The following LNX1 variants were observed in gnomAD, a reference collection of about 807,000 sequenced individuals.
The protein encoded by LNX1 is E3 ubiquitin-protein ligase LNX.
A neutral mutation model predicts 68.4 loss-of-function variants in LNX1; 54 were observed. That is an observed-to-expected ratio of 0.79 (90% confidence interval 0.63 to 0.99). The LOEUF (loss-of-function observed/expected upper bound fraction) is 0.99, where lower values mean the gene tolerates loss of function less well. Among genes scored for constraint, LNX1 ranks in the 50% least tolerant of loss-of-function variants. The pLI is 0.00. For missense variants in LNX1, 906 were observed against 926.4 expected, an observed-to-expected ratio of 0.98 and a Z score of 0.29; for synonymous variants, 336 against 350.0, an observed-to-expected ratio of 0.96 and a Z score of 0.45.
At chr4:53,526,146 A>G (rs1727596553) in intron 2 of LNX1, among the ~76,000 whole-genome samples, 1 of 152,180 alleles carries the variant, frequency 6.6e-6, no homozygotes, top group Admixed American at 6.6e-5. Context: ...CGCCACGTTC[A>G]GCAGGAAACC....
chr4:53,553,993 T>A (rs1729702500), intron 2 of LNX1, among the ~76,000 whole-genome samples: 2 of 151,654 alleles, frequency 1.3e-5, no homozygotes, highest in African/African-American at 4.9e-5. Flanking sequence ...ACCCGGAGGG[T>A]CATTCCTTAT....
At chr4:53,587,590 C>T (rs1224921786) in intron 1 of LNX1, among the ~76,000 whole-genome samples, 1 of 152,102 alleles carries the variant, frequency 6.6e-6, no homozygotes, top group Non-Finnish European at 1.5e-5. Context: ...TCTTATGTGT[C>T]CTCGCCTTGC....
intron 1 of LNX1, among the ~76,000 whole-genome samples, chr4:53,587,940 C>T (rs1732275639): frequency 1.3e-5 from 2 of 152,208 alleles, no homozygotes; most frequent in Non-Finnish European, 2.9e-5. Flanking sequence ...TTTTCCTCCT[C>T]TGCCTTTGGG....
At chr4:53,515,645 A>G (rs1371236641) in intron 2 of LNX1, among the ~76,000 whole-genome samples, 1 of 152,204 alleles carries the variant, frequency 6.6e-6, no homozygotes, top group Non-Finnish European at 1.5e-5. Flanking sequence ...ATAAAACTGA[A>G]GGGTAATGAC....
At chr4:53,576,250 C>A in intron 1 of LNX1, 1 of 1,609,896 alleles carries the variant, frequency 6.2e-7, no homozygotes, top group South Asian at 1.1e-5. Flanking sequence ...CCTGATGCAG[C>A]TGAAGCTTTC....
At position 53,569,967 on chromosome 4, in the gene LNX1, C is replaced by T. The variant is rs1412184881; in HGVS notation, c.380+3656G>A. Among the ~76,000 whole-genome samples the T allele has an allele frequency of 5.3e-5, 8 of 152,136 alleles. No homozygotes were observed. In the East Asian group the frequency reaches 1.5e-3, roughly 29 times the overall value. On this transcript the variant is annotated intron_variant, in intron 2 of 10. Coordinates refer to ENST00000263925, the MANE Select transcript of LNX1 (RefSeq NM_001126328.3). ...TGCAAATCAAAACCACAATGAGATA[C>T]TATCTCACACCAGTTAGAATGGCGA...
chr4:53,588,787 T>G (rs576008476), intron 1 of LNX1, among the ~76,000 whole-genome samples: 77 of 152,176 alleles, frequency 5.1e-4, no homozygotes, highest in Non-Finnish European at 8.5e-4. Context: ...CTGACCTCAA[T>G]CCACTAATCC....
intron 1 of LNX1, among the ~76,000 whole-genome samples, chr4:53,583,392 G>A (rs1287742932): frequency 6.6e-6 from 1 of 152,208 alleles, no homozygotes; most frequent in East Asian, 1.9e-4. Context: ...GCAGAGGAAA[G>A]AGTGGGGAGG....
chr4:53,633,769 C>G (rs2859819), intron 1 of LNX1, among the ~76,000 whole-genome samples: 17,421 of 152,192 alleles, frequency 0.11, 1,160 homozygotes, highest in Non-Finnish European at 0.16. Context: ...CAGAAGAGAG[C>G]TGATTGCCAC....
chr4:53,621,391 C>T (rs895088292), upstream of LNX1, among the ~76,000 whole-genome samples: 1 of 152,176 alleles, frequency 6.6e-6, no homozygotes, highest in African/African-American at 2.4e-5. Context: ...AGAAAGTGAG[C>T]ATCTCCAGGA....
chr4:53,619,171 T>A (rs1733780596), upstream of LNX1, among the ~76,000 whole-genome samples: 1 of 152,220 alleles, frequency 6.6e-6, no homozygotes, highest in Non-Finnish European at 1.5e-5. Context: ...GGCCTTAATT[T>A]TTTTTACATT....
chr4:53,616,778 G>T (rs1249022769), intron 1 of LNX1, among the ~76,000 whole-genome samples: 1 of 152,162 alleles, frequency 6.6e-6, no homozygotes, highest in African/African-American at 2.4e-5. Context: ...TTTCCATAAA[G>T]GAAATGGAGG....
intron 6 of LNX1, among the ~76,000 whole-genome samples, chr4:53,486,541 A>C (rs1724306296): frequency 6.6e-6 from 1 of 152,190 alleles, no homozygotes; most frequent in African/African-American, 2.4e-5. Context: ...AACCTTGAGG[A>C]CATGGTTCCT....
At position 53,479,617 on chromosome 4, in the gene LNX1, A is replaced by T. The variant is rs946300352; in HGVS notation, c.1486-875T>A. Among the ~76,000 whole-genome samples the T allele has an allele frequency of 7.3e-5, 10 of 137,382 alleles. No individual in the cohort carries two copies. In the Admixed American group the frequency reaches 7.9e-4, roughly 11 times the overall value. 90.1% of individuals were successfully genotyped at this position (137,382 alleles called of 152,430 possible). On this transcript the variant is annotated intron_variant, in intron 7 of 10. Coordinates refer to ENST00000263925, the MANE Select transcript of LNX1 (RefSeq NM_001126328.3). ...ACTTTGGCTGGAGAGGAGGAGAGTTACGTATGAAAGAGATGACTTTTCTAT... is the reference window on the plus strand; with the variant it reads ...ACTTTGGCTGGAGAGGAGGAGAGTTTCGTATGAAAGAGATGACTTTTCTAT...
intron 1 of LNX1, among the ~76,000 whole-genome samples, chr4:53,637,629 G>A (rs1247404012): frequency 2.0e-5 from 3 of 152,036 alleles, no homozygotes; most frequent in African/African-American, 4.8e-5. Context: ...AGATGCCAAA[G>A]GGTAGAATGT....
chr4:53,599,611 C>T (rs909816356), intron 2 of LNX1, among the ~76,000 whole-genome samples: 3 of 152,082 alleles, frequency 2.0e-5, no homozygotes, highest in African/African-American at 7.2e-5. Context: ...ATCCAAGAAC[C>T]CTCTCTTGGG....
At chr4:53,600,572 G>A (rs1238612361) in intron 2 of LNX1, among the ~76,000 whole-genome samples, 1 of 152,094 alleles carries the variant, frequency 6.6e-6, no homozygotes, top group East Asian at 1.9e-4. Context: ...TTACCAGAGA[G>A]AAGGACTCTC....
Position 53,481,868 on chromosome 4 carries a change from C to T in LNX1, c.1351-14G>A, listed in dbSNP as rs959784854. 2 of 1,570,210 alleles carry T rather than the reference C, an allele frequency of 1.3e-6. No homozygotes were observed. Among genetic ancestry groups the T allele is most frequent in the African/African-American group, 1.4e-5 (1 of 73,132 alleles). On this transcript the variant is annotated splice_polypyrimidine_tract_variant and intron_variant, in intron 6 of 10. Transcript: ENST00000263925. ...TCTTTCACTGGCCTGGGCAAGAAGACACAGGCATTAGCCACTGTCAGTTTC... is the reference window on the plus strand; with the variant it reads ...TCTTTCACTGGCCTGGGCAAGAAGATACAGGCATTAGCCACTGTCAGTTTC...
chr4:53,606,634 C>T (rs1354823128), intron 2 of LNX1, among the ~76,000 whole-genome samples: 1 of 152,070 alleles, frequency 6.6e-6, no homozygotes, highest in African/African-American at 2.4e-5. Flanking sequence ...GATATCAAAA[C>T]CTGGCAGACA....
Sources: allele counts gnomAD v4.1 joint callset (sites outside exome capture counted in the v4.1 genomes callset), GRCh38; gene constraint gnomAD v4.1.1; transcripts MANE v1.5; gene names NCBI Gene and HGNC (gene_info 2026-07-23, HGNC 2026-07-21).